Variants in NCKAP5 observed in about 807,000 individuals in gnomAD.
The protein encoded by NCKAP5 is nck-associated protein 5.
A neutral mutation model predicts 167.0 loss-of-function variants in NCKAP5; 92 were observed. The ratio of observed to expected loss-of-function variants is 0.55; its 90% confidence interval spans 0.47 to 0.66. The LOEUF (loss-of-function observed/expected upper bound fraction) is 0.66. NCKAP5 is among the 30% of genes least tolerant of loss of function. The probability of loss-of-function intolerance (pLI) is 0.00; values close to 1 mark genes in which losing one functional copy is unlikely to be tolerated. For synonymous variants in NCKAP5, 891 were observed against 877.4 expected (o/e 1.02, Z -0.27); for missense variants, 2,378 against 2,315.0 (o/e 1.03, Z -0.56).
chr2:132,920,402 GT>G (rs1351404209), intron 8 of NCKAP5, among the ~76,000 whole-genome samples: 6 of 151,876 alleles, frequency 4.0e-5, no homozygotes, highest in Admixed American at 3.9e-4. Flanking sequence ...TACACCATGT[GT>G]TGAGTACTAT....
intron 10 of NCKAP5, among the ~76,000 whole-genome samples, chr2:132,867,776 G>C (rs1690474270): frequency 6.6e-6 from 1 of 152,174 alleles, no homozygotes; most frequent in Non-Finnish European, 1.5e-5. Flanking sequence ...CGGCCTACCT[G>C]TCGGTTTATA....
chr2:133,427,388 CTG>C (rs1689879379), intron 3 of NCKAP5, among the ~76,000 whole-genome samples: 1 of 152,042 alleles, frequency 6.6e-6, no homozygotes, highest in Non-Finnish European at 1.5e-5. Context: ...GGTAATAAAA[CTG>C]TCACTAAAAT....
Position 133,269,365 on chromosome 2 carries a change from G to T in NCKAP5, c.143+33672C>A, listed in dbSNP as rs149859366. Among the ~76,000 whole-genome samples, 1,005 of 152,264 alleles carry T rather than the reference G, an allele frequency of 6.6e-3. 14 individuals carry two copies. The highest frequency in any genetic ancestry group is 0.023 in the African/African-American group (938 of 41,544). ...AATAGAGAAAAATAAAGCAGAGTGG[G>T]CTGGGTGGTGCACAAGTTTAAATAC... On this transcript the variant is annotated intron_variant, in intron 4 of 19. Transcript: ENST00000409261.
chr2:132,794,308 G>GAGAGAGAGAGAGA, intron 12 of NCKAP5, among the ~76,000 whole-genome samples: 2 of 50,100 alleles, frequency 4.0e-5, no homozygotes, highest in East Asian at 5.0e-4. Context: ...AGAGAGAGAG[G>GAGAGAGAGAGAGA]GTGGCGGGAA....
At chr2:133,569,788 A>G (rs1688789761), upstream of NCKAP5, among the ~76,000 whole-genome samples, 1 of 152,160 alleles carries the variant, frequency 6.6e-6, no homozygotes, top group South Asian at 2.1e-4. Flanking sequence ...CAAGACCCCA[A>G]TATATGCTAC....
intron 3 of NCKAP5, among the ~76,000 whole-genome samples, chr2:133,349,447 T>C (rs1178384110): frequency 6.6e-6 from 1 of 152,176 alleles, no homozygotes; most frequent in Non-Finnish European, 1.5e-5. Flanking sequence ...AGTGGCAAGT[T>C]TGCAGTCTTC....
intron 6 of NCKAP5, among the ~76,000 whole-genome samples, chr2:133,001,980 T>C (rs1273170189): frequency 6.6e-6 from 1 of 152,184 alleles, no homozygotes; most frequent in Non-Finnish European, 1.5e-5. Context: ...CTTGAGATGA[T>C]TCAAAGTATA....
Position 132,783,531 on chromosome 2 carries a change from C to G in NCKAP5, c.3280G>C (p.Asp1094His). The G allele has an allele frequency of 6.2e-7, 1 of 1,613,710 alleles. No homozygotes were observed. The highest frequency in any genetic ancestry group is 8.5e-7 in the Non-Finnish European group (1 of 1,179,766). Residue 1094 changes from aspartate (D) to histidine (H), a missense_variant, in exon 14 of 20, where the codon GAT becomes CAT. Coordinates refer to ENST00000409261, the MANE Select transcript of NCKAP5 (RefSeq NM_207363.3). ...GGCTTGGGGGGTGTGGAGGCGCTAT[C>G]ATTCAATTGTCCTTTTCTCCCTGGA... ...VSPGRKGQLN[D>H]SASTPPKPSF...
intron 6 of NCKAP5, among the ~76,000 whole-genome samples, chr2:133,097,281 G>C (rs2081372578): frequency 6.6e-6 from 1 of 152,160 alleles, no homozygotes; most frequent in African/African-American, 2.4e-5. Flanking sequence ...GCTAAAGTGA[G>C]AGACAAATAA....
intron 3 of NCKAP5, among the ~76,000 whole-genome samples, chr2:133,427,369 A>C (rs112663960): frequency 6.6e-6 from 1 of 152,352 alleles, no homozygotes; most frequent in African/African-American, 2.4e-5. Context: ...AGTACACAAA[A>C]GAAGGTAAGG....
intron 7 of NCKAP5, among the ~76,000 whole-genome samples, chr2:132,970,823 G>A (rs1485656761): frequency 2.6e-5 from 4 of 152,208 alleles, no homozygotes; most frequent in Non-Finnish European, 5.9e-5. Flanking sequence ...TGACAGCCCA[G>A]GAAGCTTGGT....
chr2:132,704,551 C>T (rs1249793075), intron 19 of NCKAP5, among the ~76,000 whole-genome samples: 1 of 152,198 alleles, frequency 6.6e-6, no homozygotes, highest in Non-Finnish European at 1.5e-5. Context: ...AGACTTCTCA[C>T]TCTCCAAAGA....
chr2:132,921,240 G>A (rs1695406370), intron 8 of NCKAP5, among the ~76,000 whole-genome samples: 1 of 151,878 alleles, frequency 6.6e-6, no homozygotes, highest in Admixed American at 6.6e-5. Context: ...CCTCTGTTGT[G>A]GAGGATCCAG....
In NCKAP5 at chr2:133,330,218, C is replaced by T. The variant is rs375735316; in HGVS notation, c.70-27108G>A. On this transcript the variant is annotated intron_variant, in intron 3 of 19. Transcript: ENST00000409261. ...AATATGGGTTTACAGGCATGCACCA[C>T]CACACCCAGCTACTTTATTTTTTGT... Among the ~76,000 whole-genome samples the T allele has an allele frequency of 1.9e-4, 28 of 149,066 alleles. 1 individual carries two copies. In the East Asian group the frequency reaches 3.5e-3, roughly 19 times the overall value.
intron 4 of NCKAP5, among the ~76,000 whole-genome samples, chr2:133,278,450 G>A (rs528972859): frequency 3.3e-5 from 5 of 151,996 alleles, no homozygotes; most frequent in South Asian, 2.1e-4. Context: ...CTGTAGTCAC[G>A]TCTCCCTCTG....
intron 11 of NCKAP5, among the ~76,000 whole-genome samples, chr2:132,839,379 G>C (rs750181887): frequency 2.0e-5 from 3 of 152,000 alleles, no homozygotes; most frequent in Non-Finnish European, 4.4e-5. Context: ...TTCTGTATAT[G>C]TATTTTTTCC....
intron 5 of NCKAP5, among the ~76,000 whole-genome samples, chr2:133,206,218 T>C (rs1260355182): frequency 6.6e-6 from 1 of 152,156 alleles, no homozygotes; most frequent in East Asian, 1.9e-4. Context: ...AAATTTCCAT[T>C]TTTTAAAAAA....
At chr2:133,289,906 G>A (rs1028838160) in intron 4 of NCKAP5, among the ~76,000 whole-genome samples, 3 of 152,136 alleles carry the variant, frequency 2.0e-5, no homozygotes, top group Non-Finnish European at 2.9e-5. Flanking sequence ...GCAAGCAAAG[G>A]TGGAGGTGCT....
chr2:133,059,793 G>C (rs2079933692), intron 6 of NCKAP5, among the ~76,000 whole-genome samples: 1 of 152,082 alleles, frequency 6.6e-6, no homozygotes, highest in African/African-American at 2.4e-5. Flanking sequence ...TATATGCATG[G>C]AGAAATGAAA....
Sources: gnomAD v4.1 joint callset for allele counts (sites outside exome capture counted in the v4.1 genomes callset) on GRCh38, gnomAD v4.1.1 for gene constraint, MANE v1.5 for transcripts, NCBI Gene and HGNC (gene_info 2026-07-23, HGNC 2026-07-21) for gene names.